ITPR1: variants seen among roughly 807,000 people sequenced by gnomAD.
ITPR1 encodes inositol 1,4,5-trisphosphate receptor type 1, also known as inositol 1,4,5-trisphosphate-gated calcium channel ITPR1.
Under a neutral mutation model 318.4 loss-of-function variants are expected in ITPR1, and 96 were observed. The ratio of observed to expected loss-of-function variants is 0.30; its 90% CI spans 0.26 to 0.36. ITPR1 has a LOEUF of 0.36. ITPR1 is among the 10% of genes least tolerant of loss of function. ITPR1 has a pLI of 1.00. For synonymous variants in ITPR1, 1,312 were observed against 1,289.9 expected, an observed-to-expected ratio of 1.02 and a Z score of -0.37; for missense variants, 2,440 against 3,460.2, an observed-to-expected ratio of 0.71 and a Z score of 7.40.
intron 42 of ITPR1, among the ~76,000 whole-genome samples, chr3:4,728,682 C>G (rs1024950497): frequency 1.3e-5 from 2 of 152,130 alleles, no homozygotes; most frequent in African/African-American, 4.8e-5. Flanking sequence ...AATAGCAGGT[C>G]TTGTTCATTT....
chr3:4,764,893 A>G (rs1012029136), intron 44 of ITPR1, among the ~76,000 whole-genome samples: 1 of 152,006 alleles, frequency 6.6e-6, no homozygotes, highest in East Asian at 1.9e-4. Context: ...CACTTCTCTT[A>G]TAACTGACAT....
intron 60 of ITPR1, among the ~76,000 whole-genome samples, chr3:4,821,425 C>G (rs1212704611): frequency 6.6e-6 from 1 of 152,198 alleles, no homozygotes. Context: ...GCCCAGCTGC[C>G]CTGAGAGCAG....
intron 19 of ITPR1, among the ~76,000 whole-genome samples, chr3:4,670,471 A>G (rs1200328446): frequency 3.9e-5 from 6 of 152,122 alleles, no homozygotes; most frequent in Non-Finnish European, 2.9e-5. Flanking sequence ...TGCCAGTAGC[A>G]CCTCTCCATT....
rs139795821 is a variant in ITPR1 at position 4,522,146 on chromosome 3, A to G, written c.163+1052A>G. The stretch of plus-strand genomic sequence containing the variant: ...ATAGATGCTTGGGGCTCCATTGTAG[A>G]GCTTAGGGATCAACTATAGAGCCCT... On this transcript the variant is annotated intron_variant, in intron 4 of 61. Coordinates refer to ENST00000649015, the MANE Select transcript of ITPR1 (RefSeq NM_001378452.1). Among the ~76,000 whole-genome samples, 63 of 152,326 alleles carry G rather than the reference A, an allele frequency of 4.1e-4. 1 individual carries two copies. Among genetic ancestry groups the G allele is most frequent in the African/African-American group, 1.4e-3 (60 of 41,576 alleles).
chr3:4,667,146 G>T (rs1277649653), intron 17 of ITPR1, among the ~76,000 whole-genome samples: 1 of 152,142 alleles, frequency 6.6e-6, no homozygotes, highest in Admixed American at 6.5e-5. Flanking sequence ...TGTAAATACA[G>T]GCTATTTTGC....
chr3:4,789,196 G>A (rs1348807415), intron 52 of ITPR1, among the ~76,000 whole-genome samples: 1 of 152,184 alleles, frequency 6.6e-6, no homozygotes, highest in Non-Finnish European at 1.5e-5. Flanking sequence ...CAAAAAGTCT[G>A]GCCAGGCCAA....
intron 3 of ITPR1, among the ~76,000 whole-genome samples, chr3:4,520,717 G>T (rs1345228701): frequency 6.6e-6 from 1 of 152,198 alleles, no homozygotes; most frequent in African/African-American, 2.4e-5. Context: ...GAATGCAACA[G>T]CCCCTTGCTG....
At chr3:4,805,875 A>G (rs2106477806) in intron 54 of ITPR1, among the ~76,000 whole-genome samples, 1 of 152,360 alleles carries the variant, frequency 6.6e-6, no homozygotes, top group East Asian at 1.9e-4. Flanking sequence ...ACTGTTGCGC[A>G]TGAAGTTATT....
chr3:4,712,550 T>C (rs532684603), intron 39 of ITPR1, among the ~76,000 whole-genome samples: 1 of 152,370 alleles, frequency 6.6e-6, no homozygotes, highest in South Asian at 2.1e-4. Flanking sequence ...TAATGTTCAG[T>C]AACGGTCAGC....
At chr3:4,800,973 C>T (rs1459062874) in intron 54 of ITPR1, among the ~76,000 whole-genome samples, 1 of 152,142 alleles carries the variant, frequency 6.6e-6, no homozygotes, top group Non-Finnish European at 1.5e-5. Flanking sequence ...TAACACCGTA[C>T]CCACTTCTGG....
intron 16 of ITPR1, 52 bp downstream of exon 16, chr3:4,663,258 C>T (rs932239893): frequency 6.5e-7 from 1 of 1,540,286 alleles, no homozygotes; most frequent in Admixed American, 1.8e-5. Context: ...AATCATAAAG[C>T]ATGAGTGGTA....
chr3:4,766,882 C>A (rs546175099), intron 45 of ITPR1, among the ~76,000 whole-genome samples, 172 bp downstream of exon 45: 1 of 152,304 alleles, frequency 6.6e-6, no homozygotes, highest in East Asian at 1.9e-4. Context: ...GAGCTGAAGC[C>A]CTGCTGCTCA....
intron 40 of ITPR1, among the ~76,000 whole-genome samples, chr3:4,724,752 C>G (rs1203373925): frequency 6.6e-6 from 1 of 152,188 alleles, no homozygotes. Flanking sequence ...CCTGCATGCC[C>G]TCTCACCCCT....
Position 4,557,000 on chromosome 3 carries a change from C to G in ITPR1, c.163+35906C>G, listed in dbSNP as rs573479671. Among the ~76,000 whole-genome samples the G allele has an allele frequency of 2.0e-5, 3 of 152,278 alleles. No homozygotes were observed. In the South Asian group the frequency reaches 6.2e-4, roughly 32 times the overall value. On this transcript the variant is annotated intron_variant, in intron 4 of 61. Coordinates refer to ENST00000649015, the MANE Select transcript of ITPR1 (RefSeq NM_001378452.1). ...CACAACACCTAGTCAGATGGCAACT[C>G]TTTACAGAAAGGACAATGTAGTAAG... is the stretch of plus-strand genomic sequence containing the variant.
intron 5 of ITPR1, among the ~76,000 whole-genome samples, chr3:4,632,602 A>G (rs1226683787): frequency 1.3e-5 from 2 of 152,194 alleles, no homozygotes; most frequent in African/African-American, 4.8e-5. Flanking sequence ...GTTGGGAACT[A>G]ATTCAATTAA....
At chr3:4,825,355 C>T (rs545457946) in intron 60 of ITPR1, among the ~76,000 whole-genome samples, 73 of 152,268 alleles carry the variant, frequency 4.8e-4, no homozygotes, top group African/African-American at 1.7e-3. Flanking sequence ...GGGATGCTCT[C>T]AGGAGGTGGT....
chr3:4,577,039 T>C (rs1486916041), intron 4 of ITPR1, among the ~76,000 whole-genome samples: 1 of 152,238 alleles, frequency 6.6e-6, no homozygotes, highest in Non-Finnish European at 1.5e-5. Context: ...GACAGTCTAA[T>C]GAAGGTGTCA....
chr3:4,514,486 G>A (rs1250851566), intron 2 of ITPR1, among the ~76,000 whole-genome samples: 1 of 152,158 alleles, frequency 6.6e-6, no homozygotes, highest in Non-Finnish European at 1.5e-5. Context: ...GAATCTTTCA[G>A]TAAGGTATCC....
chr3:4,640,592 T>C (rs185275535), intron 6 of ITPR1, among the ~76,000 whole-genome samples: 8 of 152,318 alleles, frequency 5.3e-5, no homozygotes, highest in African/African-American at 1.4e-4. Context: ...GAAATGAAGA[T>C]GAAAGGTGCA....
Sources: gnomAD v4.1 joint callset for allele counts (sites outside exome capture counted in the v4.1 genomes callset) on GRCh38, gnomAD v4.1.1 for gene constraint, MANE v1.5 for transcripts, NCBI Gene and HGNC (gene_info 2026-07-23, HGNC 2026-07-21) for gene names.